PHF21B: variants seen among roughly 807,000 people sequenced by gnomAD.
The protein encoded by PHF21B is PHD finger protein 21B, also known as PHD finger protein 4.
A neutral mutation model predicts 62.2 loss-of-function variants in PHF21B; 22 were observed. That is an observed-to-expected ratio of 0.35 (90% confidence interval 0.25 to 0.51). The LOEUF is 0.51. Among genes scored for constraint, PHF21B ranks in the 20% least tolerant of loss-of-function variants. PHF21B has a pLI of 0.97. For synonymous variants in PHF21B, 341 were observed against 314.7 expected, an observed-to-expected ratio of 1.08 and a Z score of -0.88; for missense variants, 701 against 707.9, an observed-to-expected ratio of 0.99 and a Z score of 0.11.
intron 2 of PHF21B, among the ~76,000 whole-genome samples, chr22:44,926,895 C>G (rs2071643413): frequency 6.6e-6 from 1 of 152,060 alleles, no homozygotes; most frequent in Admixed American, 6.5e-5. Flanking sequence ...GCAGCTGTTG[C>G]TTTCTCTGAT....
chr22:44,979,838 G>A (rs572154175), intron 2 of PHF21B, among the ~76,000 whole-genome samples: 3 of 150,926 alleles, frequency 2.0e-5, no homozygotes, highest in Non-Finnish European at 4.5e-5. Flanking sequence ...GGAGGCTGAG[G>A]CAGGGGGATC....
At chr22:44,927,654 C>A (rs914209285) in intron 2 of PHF21B, among the ~76,000 whole-genome samples, 10 of 152,202 alleles carry the variant, frequency 6.6e-5, no homozygotes, top group African/African-American at 2.4e-4. Flanking sequence ...GTGTTTTCTT[C>A]ACTCCAAGCC....
chr22:44,924,246 T>G (rs923124899), intron 2 of PHF21B, among the ~76,000 whole-genome samples: 1 of 152,216 alleles, frequency 6.6e-6, no homozygotes, highest in Non-Finnish European at 1.5e-5. Context: ...ACAAGCCTAT[T>G]CAGATGGCTA....
chr22:44,939,229 C>T (rs779874459), intron 2 of PHF21B, among the ~76,000 whole-genome samples: 18 of 152,144 alleles, frequency 1.2e-4, no homozygotes, highest in Non-Finnish European at 8.8e-5. Flanking sequence ...GGAAGCTGCA[C>T]GACCCATAGA....
At chr22:44,913,232 C>T (rs1054423954) in intron 5 of PHF21B, among the ~76,000 whole-genome samples, 10 of 152,212 alleles carry the variant, frequency 6.6e-5, no homozygotes, top group African/African-American at 2.2e-4. Context: ...CTGCACCTCT[C>T]GTGCCAGCCT....
Position 45,009,596 on chromosome 22 carries a change from C to A in PHF21B, c.-47G>T, listed in dbSNP as rs375967953. On this transcript the variant is annotated 5_prime_UTR_variant, in exon 1 of 13. Transcript: ENST00000313237. The surrounding 1 kb of genome is among the most constrained non-coding windows in gnomAD (Gnocchi z 5.9). ...TTGCGCTCACTTTGGCCCGGGCTCC[C>A]GGGAAGTTGCGCGGCTCCGCGGGGG... The A allele has an allele frequency of 6.6e-7, 1 of 1,505,844 alleles. No homozygotes were observed. Among genetic ancestry groups the A allele is most frequent in the African/African-American group, 1.4e-5 (1 of 69,638 alleles). 93.3% of individuals were successfully genotyped at this position (1,505,844 alleles called of 1,614,324 possible).
rs186608108 is a variant in PHF21B at position 44,983,165 on chromosome 22, C to T, written c.120+25380G>A. Among the ~76,000 whole-genome samples, 17 of 150,914 alleles carry T rather than the reference C, an allele frequency of 1.1e-4. No homozygotes were observed. The East Asian group carries it at 2.3e-3, about 21-fold the overall frequency. On this transcript the variant is annotated intron_variant, in intron 2 of 12. Transcript: ENST00000313237. Reference sequence around the variant, plus strand: ...AGGAGAATTGCTTGAACCCAGGAGGCGGAGGTTACAGTGAGCCGAGATCAT... The same window carrying T: ...AGGAGAATTGCTTGAACCCAGGAGGTGGAGGTTACAGTGAGCCGAGATCAT...
chr22:44,956,820 G>T (rs922951376), intron 2 of PHF21B, among the ~76,000 whole-genome samples: 1 of 152,162 alleles, frequency 6.6e-6, no homozygotes, highest in Non-Finnish European at 1.5e-5. Flanking sequence ...CCCTCCACGC[G>T]GTGGGCTCTC....
intron 5 of PHF21B, among the ~76,000 whole-genome samples, chr22:44,905,674 G>A (rs2071236959): frequency 6.6e-6 from 1 of 151,982 alleles, no homozygotes; most frequent in Non-Finnish European, 1.5e-5. Context: ...GGTCACCCAG[G>A]CTGTAGTGCA....
intron 2 of PHF21B, among the ~76,000 whole-genome samples, chr22:45,007,424 AGCGCGGGGGCAGGCCCGGGCGGGGGC>A (rs1359815746): frequency 9.3e-4 from 127 of 137,296 alleles, no homozygotes; most frequent in South Asian, 1.7e-3. Context: ...CTGGGGTGGG[AGCGCGGGGGCAGGCCCGGGCGGGGGC>A]GCGCGGGGGC....
chr22:44,968,743 C>A (rs1163673099), intron 2 of PHF21B, among the ~76,000 whole-genome samples: 1 of 152,014 alleles, frequency 6.6e-6, no homozygotes, highest in Non-Finnish European at 1.5e-5. Context: ...CACTGAGCCT[C>A]GCTAACCCCA....
At chr22:44,943,268 G>T (rs778369353) in intron 2 of PHF21B, among the ~76,000 whole-genome samples, 41 of 152,256 alleles carry the variant, frequency 2.7e-4, no homozygotes, top group Non-Finnish European at 3.1e-4. Flanking sequence ...CTGTCCCCCA[G>T]TAGCACAGCC....
At chr22:44,936,895 G>T (rs1421835202) in intron 2 of PHF21B, among the ~76,000 whole-genome samples, 1 of 120,742 alleles carries the variant, frequency 8.3e-6, no homozygotes. Context: ...TTCCTGAGAT[G>T]GAGTTTCACT....
chr22:44,992,342 G>A (rs548625180), intron 2 of PHF21B, among the ~76,000 whole-genome samples: 3 of 152,352 alleles, frequency 2.0e-5, no homozygotes, highest in Middle Eastern at 3.4e-3. Context: ...TGCTGTGGCC[G>A]CACCGCAGCG....
At chr22:44,888,863 G>C (rs142220683) in intron 9 of PHF21B, among the ~76,000 whole-genome samples, 30 of 152,314 alleles carry the variant, frequency 2.0e-4, no homozygotes, top group Admixed American at 3.3e-4. Flanking sequence ...CAGCAAGCTG[G>C]AGGGGGAGCC....
intron 2 of PHF21B, among the ~76,000 whole-genome samples, chr22:44,986,215 T>G (rs1021592717): frequency 1.3e-5 from 2 of 148,384 alleles, no homozygotes; most frequent in African/African-American, 5.0e-5. Flanking sequence ...ACCATCACAA[T>G]GATCACCATT....
At chr22:44,991,311 C>T (rs913193767) in intron 2 of PHF21B, among the ~76,000 whole-genome samples, 13 of 152,186 alleles carry the variant, frequency 8.5e-5, no homozygotes, top group Non-Finnish European at 1.3e-4. Flanking sequence ...AGTACAGATT[C>T]TCCCACCTCA....
intron 5 of PHF21B, among the ~76,000 whole-genome samples, chr22:44,899,292 T>TC (rs1486973186): frequency 6.9e-6 from 1 of 145,782 alleles, no homozygotes; most frequent in East Asian, 2.0e-4. Flanking sequence ...ATTCTTTTTT[T>TC]TTTTTTTTTT....
chr22:44,895,344 C>T (rs1472559323), intron 6 of PHF21B, among the ~76,000 whole-genome samples: 1 of 152,160 alleles, frequency 6.6e-6, no homozygotes, highest in Non-Finnish European at 1.5e-5. Context: ...CATCATTCTA[C>T]GATGATGTTC....
Sources: gnomAD v4.1 joint callset for allele counts (sites outside exome capture counted in the v4.1 genomes callset) on GRCh38, gnomAD v4.1.1 for gene constraint, Gnocchi (gnomAD v3.1) non-coding constraint, MANE v1.5 for transcripts, NCBI Gene and HGNC (gene_info 2026-07-23, HGNC 2026-07-21) for gene names.